CMTR1: variants seen among roughly 807,000 people sequenced by gnomAD.
The protein encoded by CMTR1 is cap-specific mRNA (nucleoside-2'-O-)-methyltransferase 1.
Under a neutral mutation model 107.0 loss-of-function variants are expected in CMTR1, and 39 were observed. The observed-to-expected ratio is 0.36, with a 90% CI of 0.28 to 0.48. The LOEUF is 0.48. Among genes scored for constraint, CMTR1 ranks in the 20% least tolerant of loss-of-function variants. The probability of loss-of-function intolerance (pLI) is 0.99; values close to 1 mark genes in which losing one functional copy is unlikely to be tolerated. For synonymous variants in CMTR1, 366 were observed against 379.5 expected, an observed-to-expected ratio of 0.96 and a Z score of 0.41; for missense variants, 672 against 1,064.9, an observed-to-expected ratio of 0.63 and a Z score of 5.14.
At chr6:37,474,190 TG>T (rs1272063531) in intron 17 of CMTR1, among the ~76,000 whole-genome samples, 2 of 152,240 alleles carry the variant, frequency 1.3e-5, no homozygotes, top group Non-Finnish European at 2.9e-5. Context: ...TCTCCTTCTC[TG>T]CTCTCTGGAC....
intron 6 of CMTR1, 46 bp from the exon 7 acceptor site, chr6:37,453,001 C>G (rs771853748): frequency 6.3e-7 from 1 of 1,579,936 alleles, no homozygotes; most frequent in East Asian, 2.2e-5. Context: ...CTTAAGGTCC[C>G]TTTCCTATCC....
chr6:37,447,589 G>A (rs1771823937), intron 4 of CMTR1, among the ~76,000 whole-genome samples: 2 of 152,340 alleles, frequency 1.3e-5, no homozygotes, highest in South Asian at 2.1e-4. Flanking sequence ...GGCCGGGCAT[G>A]GTGGCTTACG....
At chr6:37,445,053 T>C (rs756622348) in intron 3 of CMTR1, among the ~76,000 whole-genome samples, 1 of 152,028 alleles carries the variant, frequency 6.6e-6, no homozygotes, top group Non-Finnish European at 1.5e-5. Context: ...AAAGAAATAT[T>C]ATAGTTGACC....
intron 2 of CMTR1, among the ~76,000 whole-genome samples, chr6:37,437,697 C>T (rs997829566): frequency 2.6e-5 from 4 of 151,988 alleles, no homozygotes; most frequent in Admixed American, 6.6e-5. Flanking sequence ...ACTTACTGCA[C>T]GCGATGGTTC....
chr6:37,430,548 T>C (rs1410206234), upstream of CMTR1, among the ~76,000 whole-genome samples: 5 of 152,102 alleles, frequency 3.3e-5, no homozygotes, highest in Non-Finnish European at 7.4e-5. Context: ...ATGAACTCCA[T>C]TTTATCATTA....
chr6:37,473,593 G>A lies in CMTR1; in HGVS notation c.1813G>A (p.Gly605Ser), dbSNP rs771375770. Residue 605 changes from glycine to serine, a missense_variant, in exon 17 of 24, where the codon GGC becomes AGC. Physicochemically the swap from Gly to Ser is moderately conservative, Grantham distance 56. This residue lies in a region of CMTR1 where 583 missense variants were observed against 968.4 expected (regional missense o/e 0.60). Transcript: ENST00000373451. ...TGGCAGTGAGCAGAAGTTCCTCATC[G>A]GCCTGGGGGTAAGTCTGCAGCTGGC... ...VSGSEQKFLIGLGKSQIYTWD... is the reference protein window; with the variant it reads ...VSGSEQKFLISLGKSQIYTWD... The A allele has an allele frequency of 4.2e-5, 68 of 1,613,556 alleles. No homozygotes were observed. The highest frequency in any genetic ancestry group is 5.0e-5 in the Non-Finnish European group (59 of 1,179,788).
intron 4 of CMTR1, among the ~76,000 whole-genome samples, chr6:37,447,436 T>C (rs1771820874): frequency 6.6e-6 from 1 of 152,244 alleles, no homozygotes; most frequent in African/African-American, 2.4e-5. Flanking sequence ...TACCTGCTGC[T>C]GGTTGCTGGT....
chr6:37,428,116 A>G, the CMTR1 span, among the ~76,000 whole-genome samples: 2 of 152,012 alleles, frequency 1.3e-5, no homozygotes, highest in Admixed American at 6.6e-5. Flanking sequence ...CAATGGGAGT[A>G]CAGCTGCCAC....
chr6:37,473,377 C>A, intron 16 of CMTR1, 93 bp from the exon 17 acceptor site: 1 of 1,399,102 alleles, frequency 7.1e-7, no homozygotes, highest in Admixed American at 2.0e-5. Context: ...GCTTCCTGTC[C>A]CTTGCCTTGT....
intron 8 of CMTR1, among the ~76,000 whole-genome samples, chr6:37,455,701 T>C (rs1347979721): frequency 1.3e-5 from 2 of 152,186 alleles, no homozygotes; most frequent in East Asian, 3.8e-4. Flanking sequence ...TGTGCAGTGC[T>C]GCTGTACTCG....
intron 13 of CMTR1, among the ~76,000 whole-genome samples, chr6:37,463,433 A>G (rs745336741): frequency 6.6e-6 from 1 of 152,210 alleles, no homozygotes; most frequent in Non-Finnish European, 1.5e-5. Flanking sequence ...GAAGTGCCCA[A>G]ACTTTTGCCA....
At chr6:37,475,258 G>A (rs1652459949) in intron 18 of CMTR1, 63 bp from the exon 19 acceptor site, 2 of 1,277,384 alleles carry the variant, frequency 1.6e-6, no homozygotes, top group African/African-American at 1.5e-5. Context: ...ATGCCATGGT[G>A]GGTAGTGGGG....
At chr6:37,464,741 T>G (rs998918683) in intron 13 of CMTR1, among the ~76,000 whole-genome samples, 1 of 152,162 alleles carries the variant, frequency 6.6e-6, no homozygotes, top group African/African-American at 2.4e-5. Context: ...AGTTTGGGGC[T>G]GTTACGAATA....
At chr6:37,465,074 G>A (rs1468838645) in intron 13 of CMTR1, among the ~76,000 whole-genome samples, 1 of 152,006 alleles carries the variant, frequency 6.6e-6, no homozygotes, top group Non-Finnish European at 1.5e-5. Flanking sequence ...TTTGAGACCA[G>A]CCTGGCCAAC....
upstream of CMTR1, among the ~76,000 whole-genome samples, chr6:37,432,764 A>G (rs191730113): frequency 7.9e-4 from 121 of 152,324 alleles, 1 homozygote; most frequent in East Asian, 0.023. Flanking sequence ...ATGGAGAGCC[A>G]ACTGTGCCCA....
intron 4 of CMTR1, among the ~76,000 whole-genome samples, chr6:37,448,770 G>T (rs1419450525): frequency 6.6e-6 from 1 of 152,072 alleles, no homozygotes; most frequent in Non-Finnish European, 1.5e-5. Flanking sequence ...TGCCATGCAG[G>T]TTAGCCACCT....
At chr6:37,479,591 C>T (rs1389154663) in intron 23 of CMTR1, among the ~76,000 whole-genome samples, 1 of 152,226 alleles carries the variant, frequency 6.6e-6, no homozygotes, top group Non-Finnish European at 1.5e-5. Context: ...CTGCTGAGGG[C>T]CCACAGCCCT....
In CMTR1 at chr6:37,475,276, G is replaced by C. The variant is rs774988234; in HGVS notation, c.1945-45G>C. On this transcript the variant is annotated intron_variant, in intron 18 of 23. Coordinates refer to ENST00000373451, the MANE Select transcript of CMTR1 (RefSeq NM_015050.3). ...CCATGGTGGGTAGTGGGGGCTGAAG[G>C]CTGACACCTGGCAGAGTGGGCAGTG... 3.3e-6 allele frequency: 5 copies of C among 1,507,640 alleles called. No individual in the cohort carries two copies. The Admixed American group carries it at 8.6e-5, about 26-fold the overall frequency. 93.4% of individuals were successfully genotyped at this position (1,507,640 alleles called of 1,614,324 possible). A position where few individuals can be genotyped will look rare whatever the true frequency, so the allele number is the denominator to read the frequency against.
the CMTR1 span, among the ~76,000 whole-genome samples, chr6:37,427,898 C>T: frequency 4.8e-4 from 73 of 152,114 alleles, no homozygotes; most frequent in African/African-American, 1.7e-3. This position sits in a 1 kb window ranked among gnomAD's most constrained non-coding sequence, Gnocchi z 4.4. Flanking sequence ...TGAAATGTTT[C>T]GTGTCACTAC....
Sources: gnomAD v4.1 joint callset for allele counts (sites outside exome capture counted in the v4.1 genomes callset) on GRCh38, gnomAD v4.1.1 for gene constraint, gnomAD v4.1.1 regional missense constraint, Gnocchi (gnomAD v3.1) non-coding constraint, MANE v1.5 for transcripts, NCBI Gene and HGNC (gene_info 2026-07-23, HGNC 2026-07-21) for gene names.